Variants in ATP13A4 observed in about 807,000 individuals in gnomAD.
The protein encoded by ATP13A4 is ATPase 13A4.
ATP13A4 carries 114 observed loss-of-function variants against 142.5 expected under a neutral mutation model. The ratio of observed to expected loss-of-function variants is 0.80; its 90% confidence interval spans 0.69 to 0.93. The LOEUF is 0.93. Ranked by LOEUF, ATP13A4 falls within the 40% of genes least tolerant of loss-of-function variation. ATP13A4 has a pLI of 0.00. For missense variants in ATP13A4, 1,392 were observed against 1,454.0 expected (o/e 0.96, Z 0.69); for synonymous variants, 488 against 514.8 (o/e 0.95, Z 0.70).
At chr3:193,413,453 C>T (rs1188798242) in intron 26 of ATP13A4, among the ~76,000 whole-genome samples, 2 of 152,208 alleles carry the variant, frequency 1.3e-5, no homozygotes, top group Non-Finnish European at 2.9e-5. Flanking sequence ...TAAGGGCTGA[C>T]TGCCTACAGG....
At chr3:193,586,160 T>C (rs1724667071) in intron 1 of ATP13A4, among the ~76,000 whole-genome samples, 1 of 152,058 alleles carries the variant, frequency 6.6e-6, no homozygotes, top group African/African-American at 2.4e-5. Context: ...ATGTCTGCAT[T>C]TTTGCCCATT....
chr3:193,399,209 T>C lies in ATP13A4; in HGVS notation c.*3443A>G, dbSNP rs1230169804. 6.6e-6 allele frequency among the ~76,000 whole-genome samples: 1 copy of C among 152,194 alleles called. No homozygotes were observed. Among genetic ancestry groups the C allele is most frequent in the Non-Finnish European group, 1.5e-5 (1 of 68,030 alleles). On this transcript the variant is annotated 3_prime_UTR_variant, in exon 30 of 30. Coordinates refer to ENST00000342695, the MANE Select transcript of ATP13A4 (RefSeq NM_032279.4). Reference sequence around the variant, plus strand: ...ACCGTCTCAAATGATTTGGACTATGTGACTGTGTTCGTTTCTCCTTCAGAC... The same window carrying C: ...ACCGTCTCAAATGATTTGGACTATGCGACTGTGTTCGTTTCTCCTTCAGAC...
intron 25 of ATP13A4, among the ~76,000 whole-genome samples, chr3:193,419,573 A>C (rs1439184754): frequency 5.6e-5 from 7 of 125,576 alleles, no homozygotes; most frequent in South Asian, 2.9e-4. Context: ...CCCTATACTT[A>C]CCCCCAAGCC....
chr3:193,454,263 A>G (rs1449896501), intron 16 of ATP13A4, 51 bp from the exon 17 acceptor site: 1 of 1,359,506 alleles, frequency 7.4e-7, no homozygotes, highest in Non-Finnish European at 1.0e-6. Context: ...CTTAGGCAGT[A>G]CTGGCAAAGA....
rs1717695285 is a variant in ATP13A4, at chr3:193,457,454, A to G, written c.1686T>C (p.Phe562=). ...MFEATTWEMA[F]SGDDFHIKGV... The stretch of plus-strand genomic sequence containing the variant: ...CCTTGATGTGGAAATCGTCCCCAGA[A>G]AAAGCCATTTCCTATTTCACAAATA... Residue 562 remains phenylalanine (F), a synonymous_variant, in exon 15 of 30, where the codon TTT becomes TTC. Coordinates refer to ENST00000342695, the MANE Select transcript of ATP13A4 (RefSeq NM_032279.4). The G allele has an allele frequency of 2.5e-6, 4 of 1,614,018 alleles. No homozygotes were observed. Among genetic ancestry groups the G allele is most frequent in the Non-Finnish European group, 3.4e-6 (4 of 1,179,900 alleles).
At chr3:193,440,743 G>GAAAAAA in intron 20 of ATP13A4, 106 bp from the exon 21 acceptor site, 1 of 1,138,058 alleles carries the variant, frequency 8.8e-7, no homozygotes. Flanking sequence ...TTACGATGAA[G>GAAAAAA]AAAAAAAAAA....
In ATP13A4 at chr3:193,442,636, G is replaced by A. The variant is rs1047022906; in HGVS notation, c.2153-80C>T. ...TGCAGAGCCTTGAAAACCAGAGCAG[G>A]GAGTTCAGTCCTTATTTCAGGTATG... On this transcript the variant is annotated intron_variant, in intron 18 of 29. Coordinates refer to ENST00000342695, the MANE Select transcript of ATP13A4 (RefSeq NM_032279.4). The A allele has an allele frequency of 2.2e-5, 30 of 1,392,570 alleles. No homozygotes were observed. In the Admixed American group the frequency reaches 2.9e-4, roughly 13 times the overall value. The allele number at this position is 1,392,570 out of a possible 1,614,324, so 86.3% of individuals were successfully genotyped here. A position where few individuals can be genotyped will look rare whatever the true frequency, so the allele number is the denominator to read the frequency against.
intron 21 of ATP13A4, among the ~76,000 whole-genome samples, chr3:193,439,626 A>C (rs1716508282): frequency 6.6e-6 from 1 of 152,202 alleles, no homozygotes; most frequent in Admixed American, 6.5e-5. Flanking sequence ...CCAGGCCTAG[A>C]AGTTGAAGAA....
At chr3:193,589,584 G>A (rs971274799) in intron 1 of ATP13A4, among the ~76,000 whole-genome samples, 7 of 152,064 alleles carry the variant, frequency 4.6e-5, no homozygotes, top group Non-Finnish European at 1.0e-4. Context: ...TAAATATTTA[G>A]AGTTTTACCT....
intron 2 of ATP13A4, among the ~76,000 whole-genome samples, chr3:193,579,622 C>G (rs574555678): frequency 6.6e-6 from 1 of 152,212 alleles, no homozygotes; most frequent in African/African-American, 2.4e-5. Flanking sequence ...GGCCATATGA[C>G]TAGGTTCTGG....
intron 1 of ATP13A4, among the ~76,000 whole-genome samples, chr3:193,533,636 C>T (rs1213545286): frequency 6.6e-6 from 1 of 152,204 alleles, no homozygotes; most frequent in Admixed American, 6.5e-5. Flanking sequence ...AAAGGGGCGG[C>T]CGAGTAAGAC....
At chr3:193,467,255 G>T in intron 10 of ATP13A4, 61 bp downstream of exon 10, 1 of 1,548,672 alleles carries the variant, frequency 6.5e-7, no homozygotes, top group Non-Finnish European at 8.9e-7. Flanking sequence ...TAAATTTAAG[G>T]CACTAGACAA....
rs1165555775 is a variant in ATP13A4, at chr3:193,448,236, A to C, written c.2122T>G (p.Ser708Ala). The change falls in exon 18 of 30, where the codon TCA becomes GCA. Residue 708 changes from serine to alanine, a missense_variant. By Grantham distance (99) the Ser-to-Ala change is moderately conservative. Coordinates refer to ENST00000342695, the MANE Select transcript of ATP13A4 (RefSeq NM_032279.4). ...ATCATTACAGTCCTTATCCGGGCTG[A>C]GATGAGCTCTTCCAAGACAGGTTTT... Reference protein sequence around the residue: ...ETKPVLEELISARIRTVMITG... With the variant: ...ETKPVLEELIAARIRTVMITG... 6.2e-7 allele frequency: 1 copy of C among 1,614,170 alleles called. No homozygotes were observed. Among genetic ancestry groups the C allele is most frequent in the South Asian group, 1.1e-5 (1 of 91,076 alleles).
chr3:193,584,344 C>G (rs984631908), intron 1 of ATP13A4, among the ~76,000 whole-genome samples: 3 of 152,106 alleles, frequency 2.0e-5, no homozygotes, highest in African/African-American at 4.8e-5. Flanking sequence ...ATGTGGGTGG[C>G]CTCTCAAAAC....
At chr3:193,471,489 T>C (rs754108207) in intron 8 of ATP13A4, among the ~76,000 whole-genome samples, 2 of 152,078 alleles carry the variant, frequency 1.3e-5, no homozygotes, top group African/African-American at 4.8e-5. Context: ...GGTGGGAACA[T>C]TGCTTAAATT....
At chr3:193,454,017 A>G in intron 17 of ATP13A4, 84 bp downstream of exon 17, 2 of 1,187,938 alleles carry the variant, frequency 1.7e-6, no homozygotes. Flanking sequence ...CCCTAAGTCC[A>G]TCCCAGTCTA....
At chr3:193,487,751 T>C (rs1386065460) in intron 7 of ATP13A4, among the ~76,000 whole-genome samples, 2 of 152,226 alleles carry the variant, frequency 1.3e-5, no homozygotes, top group African/African-American at 4.8e-5. Flanking sequence ...ACTTGTTATA[T>C]ACATATGTAT....
intron 18 of ATP13A4, among the ~76,000 whole-genome samples, chr3:193,446,848 T>G (rs980320683): frequency 1.3e-5 from 2 of 152,220 alleles, no homozygotes; most frequent in African/African-American, 4.8e-5. Context: ...CTCACTGGAC[T>G]TGTCATGAGC....
chr3:193,481,191 T>C (rs1218548644), intron 8 of ATP13A4, among the ~76,000 whole-genome samples: 1 of 152,224 alleles, frequency 6.6e-6, no homozygotes, highest in Non-Finnish European at 1.5e-5. Flanking sequence ...GCTCAGGTGA[T>C]GGCTGCACCA....
Sources: allele counts gnomAD v4.1 joint callset (sites outside exome capture counted in the v4.1 genomes callset), GRCh38; gene constraint gnomAD v4.1.1; transcripts MANE v1.5; gene names NCBI Gene and HGNC (gene_info 2026-07-23, HGNC 2026-07-21).